GBGT1: variants seen among roughly 807,000 people sequenced by gnomAD.
GBGT1 encodes globoside alpha-1,3-N-acetylgalactosaminyltransferase 1 (FORS blood group), also known as globoside alpha-1,3-N-acetylgalactosaminyltransferase 1.
GBGT1 carries 18 observed loss-of-function variants against 20.9 expected under a neutral mutation model. The observed-to-expected ratio is 0.86, with a 90% CI of 0.60 to 1.28. The LOEUF (loss-of-function observed/expected upper bound fraction) is 1.28. GBGT1 is among the 50% of genes most tolerant of loss of function. GBGT1 has a pLI of 0.00. For missense variants in GBGT1, 432 were observed against 455.7 expected, an observed-to-expected ratio of 0.95 and a Z score of 0.47; for synonymous variants, 168 against 180.8, an observed-to-expected ratio of 0.93 and a Z score of 0.57.
chr9:133,159,520 C>T (rs4962097), intron 3 of GBGT1, among the ~76,000 whole-genome samples: 32,277 of 152,152 alleles, frequency 0.21, 3,925 homozygotes, highest in East Asian at 0.55. Context: ...AAAAGCAGGC[C>T]GGTGTGGTGG....
intron 3 of GBGT1, among the ~76,000 whole-genome samples, chr9:133,157,434 G>T (rs1015838732): frequency 3.3e-5 from 5 of 152,176 alleles, no homozygotes; most frequent in African/African-American, 1.2e-4. Context: ...CCTCTTACTG[G>T]TTCTGTTTCT....
intron 6 of GBGT1, 32 bp downstream of exon 6, chr9:133,155,146 A>T (rs1428603430): frequency 6.3e-7 from 1 of 1,592,942 alleles, no homozygotes; most frequent in Admixed American, 1.7e-5. Context: ...GCTCAGGGAG[A>T]CCTCCCTCCC....
Position 133,153,728 on chromosome 9 carries a change from T to G in GBGT1, c.893A>C (p.Glu298Ala), listed in dbSNP as rs1350988045. ...ANGIMAAWRE[E>A]SHLNRHFISN... is the part of the protein sequence containing the mutation. ...GATGAAGTGACGGTTCAGGTGGCTT[T>G]CCTCCCGCCAGGCAGCCATGATGCC... is the stretch of plus-strand genomic sequence containing the variant. The change falls in exon 7 of 7, where the codon GAA becomes GCA. Residue 298 changes from glutamate to alanine, a missense_variant. Coordinates refer to ENST00000372040, the MANE Select transcript of GBGT1 (RefSeq NM_021996.6). The G allele has an allele frequency of 3.1e-6, 5 of 1,613,584 alleles. No homozygotes were observed. In the Admixed American group the frequency reaches 8.3e-5, roughly 27 times the overall value.
intron 5 of GBGT1, among the ~76,000 whole-genome samples, chr9:133,155,571 G>A (rs1832847100): frequency 6.6e-6 from 1 of 152,184 alleles, no homozygotes; most frequent in Admixed American, 6.5e-5. Context: ...CATTAAAAAG[G>A]GCAAGACCAC....
At chr9:133,156,217 T>C (rs530466750) in intron 3 of GBGT1, 152 bp from the exon 4 acceptor site, 20 of 776,050 alleles carry the variant, frequency 2.6e-5, no homozygotes, top group South Asian at 2.2e-4. Flanking sequence ...CACCCGACTC[T>C]ACAGAGGAGC....
rs755341811 is a variant in GBGT1 at position 133,161,535 on chromosome 9, G to A, written c.72-3C>T. 10 of 1,599,092 alleles carry A rather than the reference G, an allele frequency of 6.3e-6. No homozygotes were observed. In the Admixed American group the frequency reaches 1.7e-4, roughly 27 times the overall value. On this transcript the variant is annotated splice_region_variant and splice_polypyrimidine_tract_variant and intron_variant, in intron 2 of 6. Transcript: ENST00000372040. Reference sequence around the variant, plus strand: ...GCAGCCAGTTCTCAAGATACACCCTGTGAATAAAAAAAAGAAAAAAAATCT... The same window carrying A: ...GCAGCCAGTTCTCAAGATACACCCTATGAATAAAAAAAAGAAAAAAAATCT...
intron 5 of GBGT1, 70 bp from the exon 6 acceptor site, chr9:133,155,382 C>G (rs532870018): frequency 1.2e-4 from 198 of 1,585,490 alleles, no homozygotes; most frequent in Admixed American, 1.7e-4. Context: ...CCAGCCCTGG[C>G]TCTCACACTG....
chr9:133,156,768 C>T (rs1255121413), intron 3 of GBGT1, among the ~76,000 whole-genome samples: 1 of 152,172 alleles, frequency 6.6e-6, no homozygotes, highest in Admixed American at 6.5e-5. Flanking sequence ...GGCAATCCTC[C>T]TGCCTTAGCC....
chr9:133,158,168 CCAG>C (rs79206918), intron 3 of GBGT1, among the ~76,000 whole-genome samples: 32,471 of 151,908 alleles, frequency 0.21, 3,928 homozygotes, highest in East Asian at 0.54. Context: ...GGCCACCCAG[CCAG>C]CAGCAGCAAC....
chr9:133,157,917 C>T (rs758978211), intron 3 of GBGT1, among the ~76,000 whole-genome samples: 3 of 152,130 alleles, frequency 2.0e-5, no homozygotes, highest in Non-Finnish European at 2.9e-5. Context: ...GAGGCCAAAG[C>T]GGGCAGATCA....
In GBGT1 at chr9:133,154,039, C is replaced by T. The variant is rs972356901; in HGVS notation, c.582G>A (p.Arg194=). ...METISQHIAK[R]AHREVDYLFC... ...AGAGGTAGTCCACCTCCCGGTGAGCCCTCTTAGCAATGTGCTGGCTGATGG... is the reference window on the plus strand; with the variant it reads ...AGAGGTAGTCCACCTCCCGGTGAGCTCTCTTAGCAATGTGCTGGCTGATGG... The change falls in exon 7 of 7, where the codon AGG becomes AGA. Residue 194 remains arginine (R), a synonymous_variant. Coordinates refer to ENST00000372040, the MANE Select transcript of GBGT1 (RefSeq NM_021996.6). This position sits in a 1 kb window ranked among gnomAD's most constrained non-coding sequence, Gnocchi z 4.2. The T allele has an allele frequency of 1.2e-6, 2 of 1,613,758 alleles. No homozygotes were observed. Among genetic ancestry groups the T allele is most frequent in the Non-Finnish European group, 1.7e-6 (2 of 1,180,000 alleles).
At position 133,153,907 on chromosome 9, in the gene GBGT1, C is replaced by A. The variant is rs777280434; in HGVS notation, c.714G>T (p.Gln238His). 41 of 1,604,818 alleles carry A rather than the reference C, an allele frequency of 2.6e-5. No individual in the cohort carries two copies. Among genetic ancestry groups the A allele is most frequent in the Non-Finnish European group, 3.3e-5 (39 of 1,172,676 alleles). Residue 238 changes from glutamine (Q) to histidine (H), a missense_variant, in exon 7 of 7, where the codon CAG (glutamine) becomes CAT (histidine). Gln to His is a conservative substitution (Grantham distance 24). Coordinates refer to ENST00000372040, the MANE Select transcript of GBGT1 (RefSeq NM_021996.6). Reference sequence around the variant, plus strand: ...AAACACGCCTGCGCTCATAGGGGAACTGCTGGCGGGGAACGGCGTAGTAGC... The same window carrying A: ...AAACACGCCTGCGCTCATAGGGGAAATGCTGGCGGGGAACGGCGTAGTAGC... Reference protein sequence around the residue: ...HPSYYAVPRQQFPYERRRVST... With the variant: ...HPSYYAVPRQHFPYERRRVST...
chr9:133,153,996 T>G lies in GBGT1; in HGVS notation c.625A>C (p.Met209Leu). 6.2e-7 allele frequency: 1 copy of G among 1,613,866 alleles called. No homozygotes were observed. The highest frequency in any genetic ancestry group is 8.5e-7 in the Non-Finnish European group (1 of 1,179,988). The change falls in exon 7 of 7, where the codon ATG becomes CTG. Residue 209 changes from methionine (M) to leucine (L), a missense_variant. Transcript: ENST00000372040. Reference protein sequence around the residue: ...VDYLFCLDVDMVFRNPWGPET... With the variant: ...VDYLFCLDVDLVFRNPWGPET... ...GGGCCCCACGGGTTCCGAAACACCATGTCCACATCAAGGCAGAAGAGGTAG... is the reference window on the plus strand; with the variant it reads ...GGGCCCCACGGGTTCCGAAACACCAGGTCCACATCAAGGCAGAAGAGGTAG...
chr9:133,155,800 C>G, intron 5 of GBGT1, 101 bp downstream of exon 5: 1 of 1,310,220 alleles, frequency 7.6e-7, no homozygotes, highest in Non-Finnish European at 1.1e-6. Context: ...CTCTGGGCCC[C>G]AAGGCCACCC....
intron 1 of GBGT1, chr9:133,163,060 C>T (rs1293823207): frequency 6.5e-6 from 1 of 153,230 alleles, no homozygotes; most frequent in Non-Finnish European, 1.5e-5. Context: ...AGGCGGATCC[C>T]TGCCTTGGCT....
chr9:133,153,356 C>G lies in GBGT1; in HGVS notation c.*221G>C. On this transcript the variant is annotated 3_prime_UTR_variant, in exon 7 of 7. Transcript: ENST00000372040. ...GGCCCTGCCTTTGTAACTGCGCCTC[C>G]CCTCCCCCTGTCTCACTGTTCCCAT... The G allele has an allele frequency of 2.6e-6, 1 of 391,960 alleles. No individual in the cohort carries two copies. Among genetic ancestry groups the G allele is most frequent in the Non-Finnish European group, 4.5e-6 (1 of 221,618 alleles). The allele number at this position is 391,960 out of a possible 1,614,324, so 24.3% of individuals were successfully genotyped here. A position where few individuals can be genotyped will look rare whatever the true frequency, so the allele number is the denominator to read the frequency against.
rs1180846750 is a variant in GBGT1 at position 133,153,739 on chromosome 9, G to A, written c.882C>T (p.Ala294=). Residue 294 remains alanine, a synonymous_variant, in exon 7 of 7, where the codon GCC becomes GCT. Coordinates refer to ENST00000372040, the MANE Select transcript of GBGT1 (RefSeq NM_021996.6). ...GGTTCAGGTGGCTTTCCTCCCGCCA[G>A]GCAGCCATGATGCCATTGGCCTTGT... The part of the protein sequence containing the change: ...LADKANGIMA[A]WREESHLNRH... 1 of 1,613,590 alleles carries A rather than the reference G, an allele frequency of 6.2e-7. No homozygotes were observed. Among genetic ancestry groups the A allele is most frequent in the Admixed American group, 1.7e-5 (1 of 59,968 alleles).
intron 2 of GBGT1, among the ~76,000 whole-genome samples, 178 bp from the exon 3 acceptor site, chr9:133,161,710 A>G (rs1467689868): frequency 6.6e-6 from 1 of 152,198 alleles, no homozygotes; most frequent in African/African-American, 2.4e-5. Flanking sequence ...TATTCCTGGC[A>G]TGTGTCACAG....
In GBGT1 at chr9:133,156,062, G is replaced by T; in HGVS notation, c.141C>A (p.Asn47Lys). 1 of 1,614,064 alleles carries T rather than the reference G, an allele frequency of 6.2e-7. No homozygotes were observed. The highest frequency in any genetic ancestry group is 1.1e-5 in the South Asian group (1 of 91,088). The change falls in exon 4 of 7, where the codon AAC becomes AAA. Residue 47 changes from asparagine (N) to lysine (K), a missense_variant. Transcript: ENST00000372040. The part of the protein sequence containing the change: ...PYYLPCPEIF[N>K]MKLHYKREKP... ...TCTCCCTCTTGTAGTGCAGCTTCAT[G>T]TTGCTGGTGGCAGAGGCAAGAAAGA... is the stretch of plus-strand genomic sequence containing the variant.
Sources: gnomAD v4.1 joint callset for allele counts (sites outside exome capture counted in the v4.1 genomes callset) on GRCh38, gnomAD v4.1.1 for gene constraint, Gnocchi (gnomAD v3.1) non-coding constraint, MANE v1.5 for transcripts, NCBI Gene and HGNC (gene_info 2026-07-23, HGNC 2026-07-21) for gene names.